The following TYK2 variants were observed in gnomAD, a reference collection of about 807,000 sequenced individuals.
TYK2 encodes the protein tyrosine kinase 2, also known as non-receptor tyrosine-protein kinase TYK2.
A neutral mutation model predicts 130.9 loss-of-function variants in TYK2; 65 were observed. The ratio of observed to expected loss-of-function variants is 0.50; its 90% CI spans 0.41 to 0.61. The LOEUF (loss-of-function observed/expected upper bound fraction) is 0.61. Among genes scored for constraint, TYK2 ranks in the 20% least tolerant of loss-of-function variants. The pLI, the probability that TYK2 is intolerant of heterozygous loss-of-function variation, is 0.00. For synonymous variants in TYK2, 647 were observed against 658.9 expected (o/e 0.98, Z 0.28); for missense variants, 1,378 against 1,610.7 (o/e 0.86, Z 2.47).
At chr19:10,373,574 G>A (rs1351480383) in intron 3 of TYK2, among the ~76,000 whole-genome samples, 2 of 151,708 alleles carry the variant, frequency 1.3e-5, no homozygotes, top group Non-Finnish European at 2.9e-5. Flanking sequence ...CAAGTGATCT[G>A]CCCGCCTCAG....
chr19:10,374,051 G>A (rs1383055756), intron 3 of TYK2, among the ~76,000 whole-genome samples: 1 of 151,934 alleles, frequency 6.6e-6, no homozygotes, highest in African/African-American at 2.4e-5. Context: ...CGGATCACGA[G>A]GTCAGGAGAT....
intron 17 of TYK2, chr19:10,357,243 G>A (rs1474846840): frequency 3.9e-6 from 2 of 514,630 alleles, no homozygotes; most frequent in Non-Finnish European, 7.0e-6. Context: ...ACAAAAATTA[G>A]CCGGGTGTGG....
chr19:10,369,740 T>G, intron 3 of TYK2: 1 of 454,028 alleles, frequency 2.2e-6, no homozygotes, highest in South Asian at 1.6e-5. Flanking sequence ...TCTACTGATG[T>G]CATTTAAAAA....
rs1426074950 is a variant in TYK2 at position 10,357,879 on chromosome 19, A to G, written c.2351T>C (p.Leu784Pro). ...ERIPWLAPECLPGGANSLSTA... is the reference protein window; with the variant it reads ...ERIPWLAPECPPGGANSLSTA... The stretch of plus-strand genomic sequence containing the variant: ...GCTTAGGCTGTTGGCCCCACCTGGT[A>G]GGCATTCGGGGGCCAGCCAGGGGAT... Residue 784 changes from leucine to proline, a missense_variant, in exon 17 of 25, where the codon CTA becomes CCA. Physicochemically the swap from Leu to Pro is moderately conservative, Grantham distance 98. Transcript: ENST00000525621. 1 of 1,613,402 alleles carries G rather than the reference A, an allele frequency of 6.2e-7. No homozygotes were observed. Among genetic ancestry groups the G allele is most frequent in the African/African-American group, 1.3e-5 (1 of 74,932 alleles).
intron 3 of TYK2, among the ~76,000 whole-genome samples, chr19:10,377,906 G>A (rs1599369448): frequency 1.6e-5 from 1 of 63,064 alleles, no homozygotes; most frequent in Non-Finnish European, 3.0e-5. Flanking sequence ...GGGTGGGTGG[G>A]TGGATGAATG....
chr19:10,368,966 C>A (rs1379168562), intron 3 of TYK2, among the ~76,000 whole-genome samples: 2 of 151,990 alleles, frequency 1.3e-5, no homozygotes, highest in Non-Finnish European at 2.9e-5. Flanking sequence ...GCGCCACCAA[C>A]CCCGGCTAGT....
intron 18 of TYK2, among the ~76,000 whole-genome samples, chr19:10,356,042 G>T (rs1474728055): frequency 6.6e-6 from 1 of 151,670 alleles, no homozygotes; most frequent in African/African-American, 2.4e-5. Context: ...AACTGCAGTG[G>T]TCTAATTCTC....
intron 9 of TYK2, 75 bp from the exon 10 acceptor site, chr19:10,362,732 A>C: frequency 1.1e-5 from 14 of 1,274,148 alleles, no homozygotes; most frequent in Middle Eastern, 2.5e-4. Flanking sequence ...AATGACACTC[A>C]TTACCTACTT....
rs1004654807 is a variant in TYK2, at chr19:10,379,489, C to T, written c.-21+126G>A. On this transcript the variant is annotated intron_variant, in intron 2 of 24. Transcript: ENST00000525621. ...CATCTTGACCAACATGGTGAAACCC[C>T]ATCTCTACTAAAATACAATAAATAA... The T allele has an allele frequency of 5.3e-5, 8 of 150,118 alleles. 1 individual carries two copies. The highest frequency in any genetic ancestry group is 2.0e-4 in the African/African-American group (8 of 41,014). The allele number at this position is 150,118 out of a possible 1,614,324, so 9.3% of individuals were successfully genotyped here. A position where few individuals can be genotyped will look rare whatever the true frequency, so the allele number is the denominator to read the frequency against.
intron 15 of TYK2, among the ~76,000 whole-genome samples, chr19:10,358,889 C>T (rs1321011229): frequency 1.3e-5 from 2 of 151,962 alleles, no homozygotes; most frequent in East Asian, 3.9e-4. Context: ...ATGGTGAAAC[C>T]CCATCTCTAC....
rs1398915422 is a variant in TYK2, at chr19:10,359,204, G to A, written c.2146C>T (p.Gln716Ter). ...TAGCTGAGGGCGCTGGCCAGCTGCT[G>A]GGCCACCACCATCTTCCAAGCCATG... is the stretch of plus-strand genomic sequence containing the variant. The part of the protein sequence containing the change: ...VPMAWKMVVA[Q>*]QLASALSYLE... The change falls in exon 15 of 25, where the codon CAG becomes TAG. Residue 716 changes from glutamine (Q) to a stop codon, truncating the protein, a stop_gained. Coordinates refer to ENST00000525621, the MANE Select transcript of TYK2 (RefSeq NM_003331.5). LOFTEE classifies it high-confidence loss of function. The A allele has an allele frequency of 6.2e-7, 1 of 1,606,834 alleles. No homozygotes were observed. Among genetic ancestry groups the A allele is most frequent in the East Asian group, 2.2e-5 (1 of 44,874 alleles).
rs1450481674 is a variant in TYK2 at position 10,366,582 on chromosome 19, TG to T, written c.466-3del. 1 of 1,613,868 alleles carries T rather than the reference TG, an allele frequency of 6.2e-7. No individual in the cohort carries two copies. The highest frequency in any genetic ancestry group is 8.5e-7 in the Non-Finnish European group (1 of 1,180,006). ...GTCATTCACAAACTCATGCTTGCCC[TG>T]GGAACAGGAAATTGAGCAGAAAGGG... On this transcript the variant is annotated splice_region_variant and splice_polypyrimidine_tract_variant and intron_variant, in intron 5 of 24. Coordinates refer to ENST00000525621, the MANE Select transcript of TYK2 (RefSeq NM_003331.5).
At chr19:10,357,175 G>A in intron 17 of TYK2, 1 of 397,364 alleles carries the variant, frequency 2.5e-6, no homozygotes, top group Non-Finnish European at 4.7e-6. Flanking sequence ...GATCACCTGA[G>A]GTCAGGAGTT....
At chr19:10,377,622 GGA>G in intron 3 of TYK2, among the ~76,000 whole-genome samples, 1 of 104,982 alleles carries the variant, frequency 9.5e-6, no homozygotes, top group Non-Finnish European at 1.9e-5. Flanking sequence ...ATGGATGGGT[GGA>G]TGGGTGGGTG....
chr19:10,367,487 T>A (rs1290070922), intron 5 of TYK2, among the ~76,000 whole-genome samples: 1 of 151,466 alleles, frequency 6.6e-6, no homozygotes, highest in African/African-American at 2.4e-5. Flanking sequence ...TAGCCTGGGG[T>A]GGTGGCGGGC....
intron 6 of TYK2, among the ~76,000 whole-genome samples, 196 bp from the exon 7 acceptor site, chr19:10,366,094 G>A (rs947837883): frequency 2.0e-5 from 3 of 152,198 alleles, no homozygotes; most frequent in Non-Finnish European, 2.9e-5. Context: ...CTTGAGGTCA[G>A]GAGTTCGAGA....
In TYK2 at chr19:10,353,441, T is replaced by G; in HGVS notation, c.3027+87A>C. The G allele has an allele frequency of 1.1e-6, 1 of 938,266 alleles. No individual in the cohort carries two copies. The highest frequency in any genetic ancestry group is 1.5e-6 in the Non-Finnish European group (1 of 653,348). 58.1% of individuals were successfully genotyped at this position (938,266 alleles called of 1,614,324 possible). A position where few individuals can be genotyped will look rare whatever the true frequency, so the allele number is the denominator to read the frequency against. On this transcript the variant is annotated intron_variant, in intron 21 of 24. Transcript: ENST00000525621. This position sits in a 1 kb window ranked among gnomAD's most constrained non-coding sequence, Gnocchi z 6.9. ...TGGGCAAACGAGCAGGGGCGGAGCG[T>G]GAGAGCAGACTGCACCGGATCGCTC...
In TYK2 at chr19:10,361,755, G is replaced by A. The variant is rs1467917719; in HGVS notation, c.1959+15C>T. On this transcript the variant is annotated intron_variant, in intron 13 of 24. Coordinates refer to ENST00000525621, the MANE Select transcript of TYK2 (RefSeq NM_003331.5). The surrounding 1 kb of genome is among the most constrained non-coding windows in gnomAD (Gnocchi z 4.0). Reference sequence around the variant, plus strand: ...CTCCACAGACACACCCCCAGGCCTGGCCCTGCCCACTCACCAGGGCGATGT... The same window carrying A: ...CTCCACAGACACACCCCCAGGCCTGACCCTGCCCACTCACCAGGGCGATGT... 6.2e-7 allele frequency: 1 copy of A among 1,612,050 alleles called. No individual in the cohort carries two copies. Among genetic ancestry groups the A allele is most frequent in the South Asian group, 1.1e-5 (1 of 91,048 alleles).
chr19:10,354,745 G>C, intron 18 of TYK2, 136 bp from the exon 19 acceptor site: 2 of 725,464 alleles, frequency 2.8e-6, no homozygotes, highest in Non-Finnish European at 2.5e-6. Context: ...TGCAACAGCT[G>C]AAAGAGTCCA....
Sources: gnomAD v4.1 joint callset for allele counts (sites outside exome capture counted in the v4.1 genomes callset) on GRCh38, gnomAD v4.1.1 for gene constraint, Gnocchi (gnomAD v3.1) non-coding constraint, MANE v1.5 for transcripts, NCBI Gene and HGNC (gene_info 2026-07-23, HGNC 2026-07-21) for gene names.